The following KIAA0232 variants were observed in gnomAD, a reference collection of about 807,000 sequenced individuals.
KIAA0232 encodes uncharacterized protein KIAA0232.
In KIAA0232, 27 loss-of-function variants were observed where a neutral mutation model predicts 122.0. The ratio of observed to expected loss-of-function variants is 0.22; its 90% CI spans 0.16 to 0.31. KIAA0232 has a LOEUF of 0.31. Among genes scored for constraint, KIAA0232 ranks in the 10% least tolerant of loss-of-function variants. The pLI is 1.00. For missense variants in KIAA0232, 1,551 were observed against 1,634.2 expected (o/e 0.95, Z 0.88); for synonymous variants, 613 against 587.6 (o/e 1.04, Z -0.63).
chr4:6,829,990 T>A (rs540875324), intron 3 of KIAA0232, among the ~76,000 whole-genome samples: 8 of 152,340 alleles, frequency 5.3e-5, no homozygotes, highest in African/African-American at 1.9e-4. Flanking sequence ...AAACTTTTCT[T>A]GTTATACATT....
Position 6,882,170 on chromosome 4 carries a change from C to T in KIAA0232, c.*1204C>T, listed in dbSNP as rs1374190213. 6.6e-6 allele frequency: 1 copy of T among 152,268 alleles called. No individual in the cohort carries two copies. Among genetic ancestry groups the T allele is most frequent in the African/African-American group, 2.4e-5 (1 of 41,454 alleles). The allele number at this position is 152,268 out of a possible 1,614,324, so 9.4% of individuals were successfully genotyped here. Reference sequence around the variant, plus strand: ...GGCTCTCATGGCATTGTGCCACAGGCAGAGGCCAGGAGGAGCAGTATGTGC... The same window carrying T: ...GGCTCTCATGGCATTGTGCCACAGGTAGAGGCCAGGAGGAGCAGTATGTGC... On this transcript the variant is annotated 3_prime_UTR_variant, in exon 10 of 10. Transcript: ENST00000307659.
chr4:6,836,775 C>A (rs955491289), intron 3 of KIAA0232, among the ~76,000 whole-genome samples: 7 of 151,974 alleles, frequency 4.6e-5, no homozygotes, highest in Non-Finnish European at 1.0e-4. Context: ...GCCTTCAAGC[C>A]TCTGTTTAAC....
intron 3 of KIAA0232, among the ~76,000 whole-genome samples, chr4:6,840,441 C>T (rs1203928336): frequency 6.6e-6 from 1 of 152,186 alleles, no homozygotes. Context: ...AGCAGCTAGC[C>T]TCCAGTGACT....
chr4:6,796,319 G>A (rs1717134302), intron 1 of KIAA0232, among the ~76,000 whole-genome samples: 1 of 151,904 alleles, frequency 6.6e-6, no homozygotes, highest in Non-Finnish European at 1.5e-5. Flanking sequence ...TCAGCTCACT[G>A]CAGCCTCTGC....
intron 2 of KIAA0232, among the ~76,000 whole-genome samples, chr4:6,821,747 C>G (rs1032352513): frequency 6.6e-6 from 1 of 151,362 alleles, no homozygotes; most frequent in Non-Finnish European, 1.5e-5. Context: ...TTTCTTTATC[C>G]CCTCATTGAT....
intron 1 of KIAA0232, among the ~76,000 whole-genome samples, chr4:6,798,364 G>GAGCC (rs1292742735): frequency 1.3e-5 from 2 of 152,194 alleles, no homozygotes; most frequent in Non-Finnish European, 2.9e-5. Context: ...CTTAAGGCAT[G>GAGCC]AGCCAGGGGT....
chr4:6,788,782 A>G (rs568209680), intron 1 of KIAA0232, among the ~76,000 whole-genome samples: 5 of 152,202 alleles, frequency 3.3e-5, no homozygotes, highest in Non-Finnish European at 7.3e-5. Flanking sequence ...CACGTGACAC[A>G]CTCAGAACAG....
intron 2 of KIAA0232, among the ~76,000 whole-genome samples, chr4:6,808,316 A>G (rs1178679457): frequency 6.6e-6 from 1 of 151,570 alleles, no homozygotes; most frequent in Non-Finnish European, 1.5e-5. Context: ...CTTATGTGAA[A>G]GTCCTGTAAA....
chr4:6,880,939 G>A lies in KIAA0232; in HGVS notation c.4161G>A (p.Glu1387=), dbSNP rs769499023. ...GGGEWVGPSE[E]ELFSRTHL is the part of the protein sequence containing the mutation. ...GCGAGTGGGTGGGCCCTAGTGAAGAGGAGCTCTTTTCTCGAACTCATCTCT... is the reference window on the plus strand; with the variant it reads ...GCGAGTGGGTGGGCCCTAGTGAAGAAGAGCTCTTTTCTCGAACTCATCTCT... The change falls in exon 10 of 10, where the codon GAG becomes GAA. Residue 1387 remains glutamate (E), a synonymous_variant. Coordinates refer to ENST00000307659, the MANE Select transcript of KIAA0232 (RefSeq NM_014743.3). The A allele has an allele frequency of 1.9e-6, 3 of 1,571,030 alleles. No homozygotes were observed. The highest frequency in any genetic ancestry group is 3.8e-5 in the Admixed American group (2 of 52,484).
chr4:6,808,703 G>T (rs1577363089), intron 2 of KIAA0232, among the ~76,000 whole-genome samples: 2 of 152,156 alleles, frequency 1.3e-5, no homozygotes, highest in African/African-American at 4.8e-5. Context: ...GTTAGTCCCT[G>T]CCTGTGGACT....
chr4:6,837,174 G>C (rs1294380493), intron 3 of KIAA0232, among the ~76,000 whole-genome samples: 2 of 151,230 alleles, frequency 1.3e-5, no homozygotes, highest in African/African-American at 4.8e-5. Flanking sequence ...GCGGGGCGGA[G>C]GGGCTCCTCA....
intron 1 of KIAA0232, among the ~76,000 whole-genome samples, chr4:6,800,629 C>T (rs947641116): frequency 2.7e-5 from 4 of 150,848 alleles, no homozygotes; most frequent in Admixed American, 6.6e-5. Flanking sequence ...TGTGGTGAGA[C>T]GAGATCATGC....
Position 6,845,965 on chromosome 4 carries a change from T to C in KIAA0232, c.369+3761T>C, listed in dbSNP as rs147219730. ...AGTGCAAGGGAATGGTTGTGGCTTA[T>C]AAAGATCTTTGATTCTTTAGGTTAT... On this transcript the variant is annotated intron_variant, in intron 4 of 9. Transcript: ENST00000307659. 2.7e-4 allele frequency among the ~76,000 whole-genome samples: 41 copies of C among 152,330 alleles called. No individual in the cohort carries two copies. In the East Asian group the frequency reaches 7.1e-3, roughly 26 times the overall value.
intron 4 of KIAA0232, among the ~76,000 whole-genome samples, chr4:6,853,428 C>G (rs1053718208): frequency 6.6e-6 from 1 of 152,108 alleles, no homozygotes; most frequent in Non-Finnish European, 1.5e-5. Context: ...ATACTAGCAC[C>G]CTTTTCCAGA....
intron 1 of KIAA0232, among the ~76,000 whole-genome samples, chr4:6,790,768 G>A (rs564975126): frequency 6.6e-6 from 1 of 152,156 alleles, no homozygotes; most frequent in Admixed American, 6.6e-5. Flanking sequence ...AGTTGAAATA[G>A]AGTAGACATG....
intron 6 of KIAA0232, 53 bp downstream of exon 6, chr4:6,858,559 A>T (rs1198510445): frequency 8.7e-7 from 1 of 1,145,940 alleles, no homozygotes; most frequent in Admixed American, 2.2e-5. Context: ...AATCAGATGA[A>T]TAACTGCTAC....
chr4:6,816,850 C>T (rs531207448), intron 2 of KIAA0232, among the ~76,000 whole-genome samples: 1 of 152,048 alleles, frequency 6.6e-6, no homozygotes, highest in Non-Finnish European at 1.5e-5. Flanking sequence ...GGAATTTTTC[C>T]ATTTCATTTA....
intron 8 of KIAA0232, among the ~76,000 whole-genome samples, chr4:6,874,484 C>T (rs1315516643): frequency 5.3e-5 from 8 of 152,182 alleles, no homozygotes; most frequent in Admixed American, 2.0e-4. Flanking sequence ...AGACTCTGTG[C>T]ACCAGGAGTG....
intron 9 of KIAA0232, among the ~76,000 whole-genome samples, chr4:6,878,685 C>T (rs1721890147): frequency 6.6e-6 from 1 of 152,182 alleles, no homozygotes; most frequent in Admixed American, 6.5e-5. Flanking sequence ...TGACCTAAAC[C>T]TTCATTCCTA....
Sources: gnomAD v4.1 joint callset for allele counts (sites outside exome capture counted in the v4.1 genomes callset) on GRCh38, gnomAD v4.1.1 for gene constraint, MANE v1.5 for transcripts, NCBI Gene and HGNC (gene_info 2026-07-23, HGNC 2026-07-21) for gene names.